The following PABPC1L variants were observed in gnomAD, a reference collection of about 807,000 sequenced individuals.
The protein encoded by PABPC1L is polyadenylate-binding protein 1-like.
In PABPC1L, 31 loss-of-function variants were observed where a neutral mutation model predicts 66.6. The ratio of observed to expected loss-of-function variants is 0.47; its 90% confidence interval spans 0.35 to 0.63. The LOEUF (loss-of-function observed/expected upper bound fraction) is 0.63. Among genes scored for constraint, PABPC1L ranks in the 20% least tolerant of loss-of-function variants. PABPC1L has a pLI of 0.00. For synonymous variants in PABPC1L, 348 were observed against 335.1 expected (o/e 1.04, Z -0.42); for missense variants, 722 against 848.8 (o/e 0.85, Z 1.86).
Position 44,924,216 on chromosome 20 carries a change from G to A in PABPC1L, c.932G>A (p.Arg311Lys), listed in dbSNP as rs371401538. The A allele has an allele frequency of 6.2e-7, 1 of 1,614,066 alleles. No homozygotes were observed. Among genetic ancestry groups the A allele is most frequent in the Non-Finnish European group, 8.5e-7 (1 of 1,179,932 alleles). Residue 311 changes from arginine (R) to lysine (K), a missense_variant, in exon 7 of 15, where the codon AGG becomes AAG. By Grantham distance (26) the Arg-to-Lys change is conservative (BLOSUM62 2). Coordinates refer to ENST00000217073, the MANE Select transcript of PABPC1L (RefSeq NM_001372179.1). ...LDDSIDDDKLRKEFSPYGVIT... is the reference protein window; with the variant it reads ...LDDSIDDDKLKKEFSPYGVIT... The stretch of plus-strand genomic sequence containing the variant: ...GACTCCATTGATGACGACAAACTGA[G>A]GAAAGAGTTCTCTCCCTATGGAGTA...
In PABPC1L at chr20:44,921,590, C is replaced by T. The variant is rs769072294; in HGVS notation, c.739-4C>T. On this transcript the variant is annotated splice_region_variant and splice_polypyrimidine_tract_variant and intron_variant, in intron 5 of 14. Coordinates refer to ENST00000217073, the MANE Select transcript of PABPC1L (RefSeq NM_001372179.1). ...CCAAGCATGTTCCCTCCTCCTTTCCCCAGGCCGTGGTCCATATGAACGGGA... is the reference window on the plus strand; with the variant it reads ...CCAAGCATGTTCCCTCCTCCTTTCCTCAGGCCGTGGTCCATATGAACGGGA... 2.5e-5 allele frequency: 40 copies of T among 1,613,722 alleles called. No individual in the cohort carries two copies. The Admixed American group carries it at 6.5e-4, about 26-fold the overall frequency.
At chr20:44,938,261 G>A (rs1411626347) in intron 13 of PABPC1L, 70 bp downstream of exon 13, 12 of 1,541,588 alleles carry the variant, frequency 7.8e-6, no homozygotes, top group Middle Eastern at 3.7e-4. Context: ...GGCTCTCCTA[G>A]TGGAGCCAGT....
chr20:44,918,822 G>T, intron 3 of PABPC1L, 84 bp from the exon 4 acceptor site: 1 of 1,478,952 alleles, frequency 6.8e-7, no homozygotes, highest in Non-Finnish European at 9.0e-7. Context: ...CTGGAGAAGG[G>T]CAGCAGTTGA....
rs766909087 is a variant in PABPC1L at position 44,918,910 on chromosome 20, G to A, written c.508G>A (p.Val170Met). ...GMLLNDRKVF[V>M]GHFKSRRERE... ...GCCAGTGTGTCATGTCCACAGCTTT[G>A]TGGGTCACTTCAAGTCTCGACGGGA... The change falls in exon 4 of 15, where the codon GTG (valine) becomes ATG (methionine). Residue 170 changes from valine to methionine, a missense_variant. Physicochemically the swap from Val to Met is conservative, Grantham distance 21 (BLOSUM62 1). Transcript: ENST00000217073. 6 of 1,586,876 alleles carry A rather than the reference G, an allele frequency of 3.8e-6. No homozygotes were observed. Among genetic ancestry groups the A allele is most frequent in the South Asian group, 1.2e-5 (1 of 85,500 alleles).
intron 2 of PABPC1L, among the ~76,000 whole-genome samples, chr20:44,913,621 C>T (rs1427389426): frequency 6.6e-6 from 1 of 152,080 alleles, no homozygotes; most frequent in Non-Finnish European, 1.5e-5. Context: ...GGGTGGGTTT[C>T]ACTGTGTTGG....
rs1568644178 is a variant in PABPC1L at position 44,918,938 on chromosome 20, GGGA to G, written c.539_541del (p.Glu180del). The G allele has an allele frequency of 1.9e-6, 3 of 1,608,692 alleles. No homozygotes were observed. The African/African-American group carries it at 4.0e-5, about 22-fold the overall frequency. ...GGTCACTTCAAGTCTCGACGGGAGC[GGGA>G]GGCGGAGCTGGGGGCGCGGGCCCTG... On this transcript the variant is annotated inframe_deletion, in exon 4 of 15. Transcript: ENST00000217073.
At chr20:44,938,815 C>A in intron 14 of PABPC1L, 67 bp downstream of exon 14, 1 of 1,447,926 alleles carries the variant, frequency 6.9e-7, no homozygotes, top group Non-Finnish European at 9.5e-7. Context: ...CAGGGACTGA[C>A]TTTCACAAAC....
intron 5 of PABPC1L, among the ~76,000 whole-genome samples, chr20:44,919,961 T>C (rs1184205706): frequency 6.6e-6 from 1 of 152,234 alleles, no homozygotes; most frequent in Non-Finnish European, 1.5e-5. Context: ...GTAGTTGCAG[T>C]TAGAACCTAA....
chr20:44,936,678 G>A lies in PABPC1L; in HGVS notation c.1608G>A (p.Leu536=). 16 of 1,607,946 alleles carry A rather than the reference G, an allele frequency of 1.0e-5. No individual in the cohort carries two copies. The highest frequency in any genetic ancestry group is 1.4e-5 in the Non-Finnish European group (16 of 1,178,012). The change falls in exon 12 of 15, where the codon CTG becomes CTA. Residue 536 remains leucine (L), a synonymous_variant. Coordinates refer to ENST00000217073, the MANE Select transcript of PABPC1L (RefSeq NM_001372179.1). ...PAVHIPGQEP[L]TASMLAAAPL... ...TGCACATCCCAGGACAGGAGCCCCT[G>A]ACCGCGTCCATGCTGGCTGCGGCGC...
chr20:44,930,763 C>T, intron 8 of PABPC1L, 37 bp downstream of exon 8: 2 of 1,597,592 alleles, frequency 1.3e-6, no homozygotes, highest in Non-Finnish European at 1.7e-6. Flanking sequence ...GCAGCCTTCC[C>T]CCCTGCCCCA....
intron 11 of PABPC1L, among the ~76,000 whole-genome samples, chr20:44,935,780 C>G (rs991091042): frequency 1.3e-5 from 2 of 152,138 alleles, no homozygotes; most frequent in African/African-American, 4.8e-5. Flanking sequence ...TAAGAATATG[C>G]TGATTATTGA....
intron 14 of PABPC1L, 73 bp downstream of exon 14, chr20:44,938,821 C>A: frequency 7.0e-7 from 1 of 1,425,574 alleles, no homozygotes; most frequent in Non-Finnish European, 9.7e-7. Context: ...CTGACTTTCA[C>A]AAACACTGAG....
intron 7 of PABPC1L, among the ~76,000 whole-genome samples, chr20:44,924,886 G>A (rs894140554): frequency 2.6e-5 from 4 of 152,078 alleles, no homozygotes; most frequent in South Asian, 2.1e-4. Context: ...GTGGATCCCC[G>A]GGGTAGGGCC....
chr20:44,932,735 T>C (rs1272638147), intron 9 of PABPC1L: 1 of 503,044 alleles, frequency 2.0e-6, no homozygotes, highest in Non-Finnish European at 3.6e-6. Context: ...CTGGCTATAT[T>C]GTTGACCAAA....
At chr20:44,911,290 C>G (rs1300626303) in intron 1 of PABPC1L, among the ~76,000 whole-genome samples, 1 of 152,056 alleles carries the variant, frequency 6.6e-6, no homozygotes, top group Admixed American at 6.6e-5. Context: ...ATAGCGAAAC[C>G]CTTTCTCTAC....
intron 2 of PABPC1L, among the ~76,000 whole-genome samples, chr20:44,913,079 T>C (rs1568641852): frequency 6.6e-6 from 1 of 152,214 alleles, no homozygotes; most frequent in East Asian, 1.9e-4. Context: ...CCTTCAAATT[T>C]AGTGGCCGTC....
chr20:44,930,924 G>T (rs1162267285), intron 8 of PABPC1L, among the ~76,000 whole-genome samples, 198 bp downstream of exon 8: 1 of 152,196 alleles, frequency 6.6e-6, no homozygotes, highest in African/African-American at 2.4e-5. Flanking sequence ...AGAAGCTCGT[G>T]AATGTTGTGC....
chr20:44,920,868 A>G (rs2066767805), intron 5 of PABPC1L, among the ~76,000 whole-genome samples: 1 of 152,060 alleles, frequency 6.6e-6, no homozygotes, highest in Admixed American at 6.6e-5. Context: ...GCTGTAGTGC[A>G]GTGGCGTGAT....
At chr20:44,934,821 G>C (rs2066887808) in intron 10 of PABPC1L, among the ~76,000 whole-genome samples, 1 of 152,208 alleles carries the variant, frequency 6.6e-6, no homozygotes, top group African/African-American at 2.4e-5. Context: ...TGTAATCCCA[G>C]CACTTTGGGA....
Sources: gnomAD v4.1 joint callset for allele counts (sites outside exome capture counted in the v4.1 genomes callset) on GRCh38, gnomAD v4.1.1 for gene constraint, MANE v1.5 for transcripts, NCBI Gene and HGNC (gene_info 2026-07-23, HGNC 2026-07-21) for gene names.